The following GPC5 variants were observed in gnomAD, a reference collection of about 807,000 sequenced individuals.
GPC5 encodes glypican-5.
GPC5 carries 47 observed loss-of-function variants against 53.9 expected under a neutral mutation model. The observed-to-expected ratio is 0.87, with a 90% CI of 0.69 to 1.11. GPC5 has a LOEUF of 1.11. Among genes scored for constraint, GPC5 ranks in the 50% most tolerant of loss-of-function variants. GPC5 has a pLI of 0.00. For synonymous variants in GPC5, 286 were observed against 263.3 expected (o/e 1.09, Z -0.84); for missense variants, 748 against 713.1 (o/e 1.05, Z -0.56).
At chr13:91,507,605 C>A (rs1160047414) in intron 2 of GPC5, among the ~76,000 whole-genome samples, 1 of 152,216 alleles carries the variant, frequency 6.6e-6, no homozygotes, top group Non-Finnish European at 1.5e-5. Flanking sequence ...GTCCCTCCCA[C>A]AACACGTGGA....
intron 7 of GPC5, among the ~76,000 whole-genome samples, chr13:92,575,760 A>G (rs1883171189): frequency 6.6e-6 from 1 of 152,154 alleles, no homozygotes; most frequent in South Asian, 2.1e-4. Flanking sequence ...AACCGGTTTC[A>G]GTCTGCAATG....
chr13:92,625,541 C>T (rs1885019213), intron 7 of GPC5, among the ~76,000 whole-genome samples: 1 of 152,136 alleles, frequency 6.6e-6, no homozygotes, highest in African/African-American at 2.4e-5. Context: ...ATGTGGAGTT[C>T]AGTGGAAAAG....
chr13:91,696,727 A>G (rs977535929), intron 3 of GPC5, among the ~76,000 whole-genome samples: 4 of 152,342 alleles, frequency 2.6e-5, no homozygotes, highest in Admixed American at 6.5e-5. Flanking sequence ...AACAAAGTTT[A>G]GTTTTCTGAG....
At chr13:91,688,130 T>C (rs1215842504) in intron 2 of GPC5, among the ~76,000 whole-genome samples, 1 of 152,042 alleles carries the variant, frequency 6.6e-6, no homozygotes, top group Non-Finnish European at 1.5e-5. Context: ...AAGAACAAAG[T>C]GATAGTTTTA....
intron 7 of GPC5, among the ~76,000 whole-genome samples, chr13:92,314,758 T>C (rs1385690101): frequency 6.6e-6 from 1 of 151,808 alleles, no homozygotes; most frequent in Non-Finnish European, 1.5e-5. Flanking sequence ...TCCAGAAGAG[T>C]GCTCTATTTT....
intron 7 of GPC5, among the ~76,000 whole-genome samples, chr13:92,810,576 C>A (rs567537148): frequency 6.6e-6 from 1 of 151,996 alleles, no homozygotes; most frequent in Non-Finnish European, 1.5e-5. Context: ...AACTTGTAAT[C>A]ATTAAGCAAT....
At chr13:91,608,376 G>A (rs1448530955) in intron 2 of GPC5, among the ~76,000 whole-genome samples, 2 of 152,182 alleles carry the variant, frequency 1.3e-5, no homozygotes, top group Non-Finnish European at 2.9e-5. Context: ...ATTTGTTTCT[G>A]TCATTAGAGA....
chr13:91,638,585 C>T (rs185918027), intron 2 of GPC5, among the ~76,000 whole-genome samples: 1 of 152,252 alleles, frequency 6.6e-6, no homozygotes, highest in East Asian at 1.9e-4. Context: ...AGGCTGGTCT[C>T]GAACTCCTGA....
At chr13:92,832,251 CTG>C (rs906843488) in intron 7 of GPC5, among the ~76,000 whole-genome samples, 94 of 152,212 alleles carry the variant, frequency 6.2e-4, no homozygotes, top group African/African-American at 2.1e-3. Flanking sequence ...CTCAAAGAAA[CTG>C]TGAGTTTTCA....
chr13:92,137,069 T>C (rs1187210695), intron 6 of GPC5, among the ~76,000 whole-genome samples: 1 of 151,860 alleles, frequency 6.6e-6, no homozygotes, highest in East Asian at 1.9e-4. Context: ...GTTTTTTTTT[T>C]TCATCCTGTC....
At chr13:92,710,400 A>G (rs1888093777) in intron 7 of GPC5, among the ~76,000 whole-genome samples, 1 of 152,224 alleles carries the variant, frequency 6.6e-6, no homozygotes, top group Non-Finnish European at 1.5e-5. Context: ...AATAAAAGAA[A>G]AAAAGTTTTT....
chr13:92,236,988 T>C (rs1162267186), intron 7 of GPC5, among the ~76,000 whole-genome samples: 1 of 152,168 alleles, frequency 6.6e-6, no homozygotes, highest in Non-Finnish European at 1.5e-5. Flanking sequence ...CTTTAGTTAA[T>C]GTCAGATGTT....
At chr13:92,367,858 T>A (rs2043618270) in intron 7 of GPC5, among the ~76,000 whole-genome samples, 1 of 152,162 alleles carries the variant, frequency 6.6e-6, no homozygotes, top group African/African-American at 2.4e-5. Context: ...GTACTGGAAA[T>A]GAGGACGGTG....
At chr13:92,088,180 A>T (rs1267446709) in intron 6 of GPC5, among the ~76,000 whole-genome samples, 1 of 152,156 alleles carries the variant, frequency 6.6e-6, no homozygotes, top group African/African-American at 2.4e-5. Flanking sequence ...AATGTACAGT[A>T]GCTTCTATCC....
intron 5 of GPC5, among the ~76,000 whole-genome samples, chr13:91,842,509 T>C (rs1359213609): frequency 2.0e-5 from 3 of 149,446 alleles, no homozygotes; most frequent in African/African-American, 7.4e-5. Flanking sequence ...GAGACCATCT[T>C]GGCTAACACG....
intron 7 of GPC5, among the ~76,000 whole-genome samples, chr13:92,310,660 C>T (rs2139209389): frequency 6.6e-6 from 1 of 152,274 alleles, no homozygotes; most frequent in South Asian, 2.1e-4. Flanking sequence ...GATAGGCCTT[C>T]CCAATTGTTT....
intron 7 of GPC5, among the ~76,000 whole-genome samples, chr13:92,369,540 A>G (rs538939752): frequency 1.2e-4 from 18 of 152,358 alleles, no homozygotes; most frequent in African/African-American, 3.8e-4. Flanking sequence ...TAAATTGAAC[A>G]GTATGCACTC....
intron 7 of GPC5, among the ~76,000 whole-genome samples, chr13:92,843,249 C>A (rs1374091015): frequency 5.3e-5 from 8 of 152,158 alleles, no homozygotes; most frequent in Non-Finnish European, 1.2e-4. Context: ...TTCTGCTTAA[C>A]CAGTGTACTT....
chr13:92,057,776 A>G (rs923140766), intron 6 of GPC5, among the ~76,000 whole-genome samples: 11 of 152,284 alleles, frequency 7.2e-5, no homozygotes, highest in African/African-American at 2.6e-4. Flanking sequence ...CCCTTACAAG[A>G]TATGAAATAT....
Sources: gnomAD v4.1 joint callset for allele counts (sites outside exome capture counted in the v4.1 genomes callset) on GRCh38, gnomAD v4.1.1 for gene constraint, MANE v1.5 for transcripts, NCBI Gene and HGNC (gene_info 2026-07-23, HGNC 2026-07-21) for gene names.